Variants in SERPINA1 observed in about 807,000 individuals in gnomAD.
SERPINA1 encodes the protein alpha-1-antitrypsin.
SERPINA1 carries 21 observed loss-of-function variants against 25.4 expected under a neutral mutation model. That is an observed-to-expected ratio of 0.83 (90% CI 0.59 to 1.19). SERPINA1 has a LOEUF of 1.19. SERPINA1 is among the 50% of genes most tolerant of loss of function. SERPINA1 has a pLI of 0.00. For synonymous variants in SERPINA1, 218 were observed against 211.1 expected (o/e 1.03, Z -0.29); for missense variants, 546 against 509.0 (o/e 1.07, Z -0.70).
chr14:94,377,068 T>C lies in SERPINA1; in HGVS notation c.*1381A>G, dbSNP rs997460716. On this transcript the variant is annotated 3_prime_UTR_variant, in exon 5 of 5. Coordinates refer to ENST00000393087, the MANE Select transcript of SERPINA1 (RefSeq NM_000295.5). ...TTGTGTGGGAAACAGTCGGTATCCA[T>C]TGATTAGACTGAATCATGTAGAATT... 6.6e-6 allele frequency: 1 copy of C among 152,218 alleles called. No individual in the cohort carries two copies. Among genetic ancestry groups the C allele is most frequent in the African/African-American group, 2.4e-5 (1 of 41,444 alleles). The allele number at this position is 152,218 out of a possible 1,614,324, so 9.4% of individuals were successfully genotyped here.
At chr14:94,385,080 T>C (rs1056865330) in intron 1 of SERPINA1, among the ~76,000 whole-genome samples, 1 of 152,252 alleles carries the variant, frequency 6.6e-6, no homozygotes, top group Non-Finnish European at 1.5e-5. Context: ...CAGTCCTTCA[T>C]GGCTTATGGA....
At chr14:94,387,031 T>G (rs990304522) in intron 1 of SERPINA1, among the ~76,000 whole-genome samples, 1 of 152,246 alleles carries the variant, frequency 6.6e-6, no homozygotes, top group African/African-American at 2.4e-5. Flanking sequence ...TAATCCTAAA[T>G]GTTTTGTCTG....
chr14:94,382,509 C>T (rs1426223841), intron 2 of SERPINA1, 83 bp downstream of exon 2: 2 of 1,560,204 alleles, frequency 1.3e-6, no homozygotes, highest in Non-Finnish European at 1.8e-6. Context: ...AATGCATTGC[C>T]AAGGAGAGTT....
At position 94,377,266 on chromosome 14, in the gene SERPINA1, G is replaced by C. The variant is rs1896428865; in HGVS notation, c.*1183C>G. 1 of 152,320 alleles carries C rather than the reference G, an allele frequency of 6.6e-6. No individual in the cohort carries two copies. The highest frequency in any genetic ancestry group is 1.9e-4 in the East Asian group (1 of 5,196). The allele number at this position is 152,320 out of a possible 1,614,324, so 9.4% of individuals were successfully genotyped here. ...TTCCTGGTAGAGACGGAGGGAGCAG[G>C]CTGTCCTTCAGCTAGGGGCCCAGGG... On this transcript the variant is annotated 3_prime_UTR_variant, in exon 5 of 5. Coordinates refer to ENST00000393087, the MANE Select transcript of SERPINA1 (RefSeq NM_000295.5).
At chr14:94,390,237 T>C (rs983795704), upstream of SERPINA1, among the ~76,000 whole-genome samples, 3 of 152,186 alleles carry the variant, frequency 2.0e-5, no homozygotes, top group Non-Finnish European at 2.9e-5. Flanking sequence ...TCAGGGCCCC[T>C]GTCCTTCCCC....
chr14:94,379,881 G>A (rs1184443906), intron 3 of SERPINA1, among the ~76,000 whole-genome samples: 3 of 151,964 alleles, frequency 2.0e-5, no homozygotes, highest in African/African-American at 7.2e-5. Flanking sequence ...GTCTCATCTT[G>A]CCCTGTAGTG....
chr14:94,378,669 G>A lies in SERPINA1; in HGVS notation c.1066-29C>T, dbSNP rs755409927. 7.4e-6 allele frequency: 12 copies of A among 1,612,396 alleles called. No homozygotes were observed. In the East Asian group the frequency reaches 1.8e-4, roughly 24 times the overall value. ...GAGGGGAGAGAAGCAGAGACACGTT[G>A]TAAGGCTGATCCCAGGCCTCGAGCA... On this transcript the variant is annotated intron_variant, in intron 4 of 4. Coordinates refer to ENST00000393087, the MANE Select transcript of SERPINA1 (RefSeq NM_000295.5).
intron 1 of SERPINA1, among the ~76,000 whole-genome samples, chr14:94,386,935 A>G (rs1595623843): frequency 6.6e-6 from 1 of 152,330 alleles, no homozygotes; most frequent in Middle Eastern, 3.4e-3. Context: ...TATTAGCCCT[A>G]TTTTATAGAT....
Position 94,379,557 on chromosome 14 carries a change from C to T in SERPINA1, c.972G>A (p.Lys324=), listed in dbSNP as rs375097829. Residue 324 remains lysine (K), a synonymous_variant, in exon 4 of 5, where the codon AAG becomes AAA. Transcript: ENST00000393087. ...KLSITGTYDL[K]SVLGQLGITK... ...TGATGCCCAGTTGACCCAGGACGCT[C>T]TTCAGATCATAGGTTCCAGTAATGG... 3.7e-6 allele frequency: 6 copies of T among 1,614,122 alleles called. No homozygotes were observed. Among genetic ancestry groups the T allele is most frequent in the South Asian group, 3.3e-5 (3 of 91,084 alleles).
intron 3 of SERPINA1, 138 bp from the exon 4 acceptor site, chr14:94,379,749 A>G: frequency 8.4e-7 from 1 of 1,197,524 alleles, no homozygotes; most frequent in South Asian, 1.3e-5. Flanking sequence ...TAAGATGGGA[A>G]CTCGGCTTTG....
chr14:94,380,366 TA>T (rs1896804159), intron 3 of SERPINA1, among the ~76,000 whole-genome samples: 1 of 152,248 alleles, frequency 6.6e-6, no homozygotes. Flanking sequence ...ACAGCACCGA[TA>T]AAGTGACAGA....
chr14:94,387,074 T>C (rs987471615), intron 1 of SERPINA1, among the ~76,000 whole-genome samples: 3 of 152,226 alleles, frequency 2.0e-5, no homozygotes, highest in Non-Finnish European at 4.4e-5. Flanking sequence ...AAACCTGACA[T>C]TGAATCATCT....
chr14:94,385,181 C>T (rs900959197), intron 1 of SERPINA1, among the ~76,000 whole-genome samples: 2 of 152,208 alleles, frequency 1.3e-5, no homozygotes, highest in Non-Finnish European at 2.9e-5. Flanking sequence ...GCCTCAGGGC[C>T]AGAGGTTGTG....
chr14:94,386,116 T>C (rs1170789336), intron 1 of SERPINA1, among the ~76,000 whole-genome samples: 1 of 152,204 alleles, frequency 6.6e-6, no homozygotes, highest in African/African-American at 2.4e-5. Context: ...CTGGCCCTTC[T>C]ATCAGAGGCA....
intron 3 of SERPINA1, 121 bp from the exon 4 acceptor site, chr14:94,379,732 C>T (rs1896730920): frequency 7.4e-7 from 1 of 1,354,098 alleles, no homozygotes; most frequent in Non-Finnish European, 1.0e-6. Context: ...GTGTCCTCCA[C>T]CCACACTAAG....
intron 3 of SERPINA1, chr14:94,380,643 A>C (rs1212365847): frequency 1.7e-6 from 1 of 601,880 alleles, no homozygotes; most frequent in Admixed American, 2.8e-5. Context: ...CAGGGACGAG[A>C]CCTTTACCTC....
At chr14:94,385,723 GA>G (rs1897244759) in intron 1 of SERPINA1, among the ~76,000 whole-genome samples, 1 of 152,210 alleles carries the variant, frequency 6.6e-6, no homozygotes, top group African/African-American at 2.4e-5. Context: ...CTAGACAGGG[GA>G]ATTCTGGGCT....
chr14:94,383,308 A>G lies in SERPINA1; in HGVS notation c.-4-67T>C, dbSNP rs553499554. 4 of 1,534,514 alleles carry G rather than the reference A, an allele frequency of 2.6e-6. No individual in the cohort carries two copies. The African/African-American group carries it at 5.4e-5, about 21-fold the overall frequency. On this transcript the variant is annotated intron_variant, in intron 1 of 4. Transcript: ENST00000393087. ...ACATGATGACTCCCAGTGATCAGGG[A>G]TTGACACCACGTGGAAGTGCCTAGG... is the stretch of plus-strand genomic sequence containing the variant.
rs1897023680 is a variant in SERPINA1 at position 94,382,767 on chromosome 14, A to T, written c.471T>A (p.Asp157Glu). 1.2e-6 allele frequency: 2 copies of T among 1,614,102 alleles called. No individual in the cohort carries two copies. The highest frequency in any genetic ancestry group is 1.3e-5 in the African/African-American group (1 of 74,928). ...CTTCTGAGTGGTACAACTTTTTAAC[A>T]TCCTCCAAAAACTTATCCACTAGCT... ...GLKLVDKFLE[D>E]VKKLYHSEAF... Residue 157 changes from aspartate to glutamate, a missense_variant, in exon 2 of 5, where the codon GAT becomes GAA. By Grantham distance (45) the Asp-to-Glu change is conservative. Coordinates refer to ENST00000393087, the MANE Select transcript of SERPINA1 (RefSeq NM_000295.5).
Sources: gnomAD v4.1 joint callset for allele counts (sites outside exome capture counted in the v4.1 genomes callset) on GRCh38, gnomAD v4.1.1 for gene constraint, MANE v1.5 for transcripts, NCBI Gene and HGNC (gene_info 2026-07-23, HGNC 2026-07-21) for gene names.